Variants in PDE12 observed in about 807,000 individuals in gnomAD.
PDE12 encodes the protein phosphodiesterase 12, also known as 2',5'-phosphodiesterase 12.
A neutral mutation model predicts 45.4 loss-of-function variants in PDE12; 26 were observed. That is an observed-to-expected ratio of 0.57 (90% CI 0.42 to 0.79). PDE12 has a LOEUF of 0.79. Ranked by LOEUF, PDE12 falls within the 30% of genes least tolerant of loss-of-function variation. PDE12 has a pLI of 0.00. For missense variants in PDE12, 668 were observed against 790.0 expected (o/e 0.85, Z 1.85); for synonymous variants, 283 against 323.9 (o/e 0.87, Z 1.36).
chr3:57,645,598 A>G, the PDE12 span: 4 of 1,251,264 alleles, frequency 3.2e-6, no homozygotes, highest in African/African-American at 1.5e-5. Flanking sequence ...ATTACCAAAA[A>G]TAATTCTACA....
the PDE12 span, among the ~76,000 whole-genome samples, chr3:57,608,148 G>A: frequency 6.6e-6 from 1 of 152,040 alleles, no homozygotes; most frequent in African/African-American, 2.4e-5. Flanking sequence ...AGCTTCATAA[G>A]CAAAGGAGAA....
chr3:57,620,004 A>G, the PDE12 span, among the ~76,000 whole-genome samples: 1 of 152,172 alleles, frequency 6.6e-6, no homozygotes. Context: ...CAGATGGATC[A>G]CGAGGTCAGG....
At chr3:57,638,160 C>T in the PDE12 span, among the ~76,000 whole-genome samples, 19 of 151,828 alleles carry the variant, frequency 1.3e-4, no homozygotes, top group East Asian at 2.7e-3. Context: ...AAATAAACTT[C>T]TGTGCATCAA....
the PDE12 span, among the ~76,000 whole-genome samples, chr3:57,647,991 G>T: frequency 6.6e-6 from 1 of 152,026 alleles, no homozygotes; most frequent in East Asian, 1.9e-4. Flanking sequence ...GGGGGACAAA[G>T]TTGCAGCAGA....
the PDE12 span, among the ~76,000 whole-genome samples, chr3:57,619,050 G>A: frequency 4.9e-3 from 748 of 152,144 alleles, 5 homozygotes; most frequent in African/African-American, 0.017. Context: ...GCCCATTATT[G>A]ATAAAAACTC....
At chr3:57,618,296 T>C in the PDE12 span, among the ~76,000 whole-genome samples, 1 of 152,352 alleles carries the variant, frequency 6.6e-6, no homozygotes, top group East Asian at 1.9e-4. Context: ...GAAATTCTAT[T>C]GATTTGATAA....
the PDE12 span, among the ~76,000 whole-genome samples, chr3:57,589,713 G>C: frequency 6.6e-6 from 1 of 151,454 alleles, no homozygotes; most frequent in Non-Finnish European, 1.5e-5. Flanking sequence ...GCGAGACTCC[G>C]TCTCAAAAAA....
chr3:57,596,743 G>A, the PDE12 span: 2 of 297,038 alleles, frequency 6.7e-6, no homozygotes, highest in Non-Finnish European at 1.3e-5. Flanking sequence ...CCCAGAAAGG[G>A]CCTCGCCAAG....
chr3:57,580,645 T>C, the PDE12 span, among the ~76,000 whole-genome samples: 1 of 152,116 alleles, frequency 6.6e-6, no homozygotes, highest in African/African-American at 2.4e-5. Flanking sequence ...CCTCGTATCA[T>C]GGCCTCCCAA....
the PDE12 span, chr3:57,634,667 T>C: frequency 4.0e-6 from 6 of 1,496,776 alleles, no homozygotes; most frequent in African/African-American, 1.4e-5. Context: ...CCAAGTACCA[T>C]ATAAATATAT....
chr3:57,598,729 G>A, the PDE12 span, among the ~76,000 whole-genome samples: 2 of 152,030 alleles, frequency 1.3e-5, no homozygotes. Context: ...TGCAGTGAGC[G>A]GAGATCGCGC....
chr3:57,589,850 T>C, the PDE12 span, among the ~76,000 whole-genome samples: 1 of 151,302 alleles, frequency 6.6e-6, no homozygotes, highest in Non-Finnish European at 1.5e-5. Flanking sequence ...CCCAGCACTT[T>C]AGGAGGCCGA....
chr3:57,596,986 C>A, the PDE12 span: 9 of 1,400,890 alleles, frequency 6.4e-6, no homozygotes, highest in South Asian at 9.7e-5. Flanking sequence ...CCACAGCGGG[C>A]GGAGGAAAAA....
the PDE12 span, chr3:57,619,716 G>A: frequency 2.0e-5 from 3 of 152,188 alleles, no homozygotes; most frequent in African/African-American, 7.2e-5. Context: ...GCTGGGCGTG[G>A]TGGTGGGCCT....
the PDE12 span, among the ~76,000 whole-genome samples, chr3:57,599,297 C>CA: frequency 1.0e-3 from 154 of 152,282 alleles, no homozygotes; most frequent in Middle Eastern, 6.8e-3. Flanking sequence ...TCTCAGTGAG[C>CA]AGAGGGGTGA....
At chr3:57,606,590 CTTT>C in the PDE12 span, among the ~76,000 whole-genome samples, 1 of 152,064 alleles carries the variant, frequency 6.6e-6, no homozygotes, top group East Asian at 1.9e-4. Context: ...TAATTTAAAA[CTTT>C]TTTTAAAAAC....
chr3:57,648,973 C>T, the PDE12 span, among the ~76,000 whole-genome samples: 4 of 152,126 alleles, frequency 2.6e-5, no homozygotes, highest in Non-Finnish European at 5.9e-5. Flanking sequence ...GACTTCATGA[C>T]CAAGAACCCA....
chr3:57,606,818 G>C, the PDE12 span, among the ~76,000 whole-genome samples: 1 of 152,272 alleles, frequency 6.6e-6, no homozygotes, highest in South Asian at 2.1e-4. Context: ...AATAGGAACA[G>C]CTCCAGTCTA....
chr3:57,645,465 A>C, the PDE12 span, among the ~76,000 whole-genome samples: 10 of 152,316 alleles, frequency 6.6e-5, no homozygotes, highest in East Asian at 1.9e-3. Context: ...TGTCTCAAAA[A>C]TAAATAAATA....
Sources: allele counts gnomAD v4.1 joint callset (sites outside exome capture counted in the v4.1 genomes callset), GRCh38; gene constraint gnomAD v4.1.1; transcripts MANE v1.5; gene names NCBI Gene and HGNC (gene_info 2026-07-23, HGNC 2026-07-21).